Variants in TFAP2B observed in about 807,000 individuals in gnomAD.
TFAP2B encodes the protein transcription factor AP-2-beta.
Under a neutral mutation model 44.3 loss-of-function variants are expected in TFAP2B, and 9 were observed. The ratio of observed to expected loss-of-function variants is 0.20; its 90% CI spans 0.12 to 0.35. The LOEUF (loss-of-function observed/expected upper bound fraction) is 0.35. TFAP2B is among the 10% of genes least tolerant of loss of function. The pLI, the probability that TFAP2B is intolerant of heterozygous loss-of-function variation, is 1.00. For missense variants in TFAP2B, 509 were observed against 600.0 expected (o/e 0.85, Z 1.59); for synonymous variants, 270 against 263.8 (o/e 1.02, Z -0.23).
Position 50,843,550 on chromosome 6 carries a change from TAAAAAA to T in TFAP2B, c.*162_*167del. On this transcript the variant is annotated 3_prime_UTR_variant, in exon 7 of 7. Transcript: ENST00000393655. ...TTTTAAAAAAAAAAGCTAAATAACTTAAAAAAAAACTGAGGCGTACAACGGAGCAAC... is the reference window on the plus strand; with the variant it reads ...TTTTAAAAAAAAAAGCTAAATAACTTAAACTGAGGCGTACAACGGAGCAAC... The T allele has an allele frequency of 1.2e-6, 1 of 819,514 alleles. No individual in the cohort carries two copies. Among genetic ancestry groups the T allele is most frequent in the Non-Finnish European group, 1.8e-6 (1 of 544,494 alleles). The allele number at this position is 819,514 out of a possible 1,614,324, so 50.8% of individuals were successfully genotyped here.
chr6:50,825,902 A>G (rs1208886686), intron 2 of TFAP2B, among the ~76,000 whole-genome samples: 1 of 152,170 alleles, frequency 6.6e-6, no homozygotes, highest in Non-Finnish European at 1.5e-5. Context: ...CTGTCCCTAG[A>G]GGGAAACAGC....
intron 4 of TFAP2B, among the ~76,000 whole-genome samples, chr6:50,836,760 C>A (rs1762632245): frequency 6.6e-6 from 1 of 152,162 alleles, no homozygotes; most frequent in South Asian, 2.1e-4. Flanking sequence ...CAGTTGGCAC[C>A]CAGTGAAATT....
Position 50,828,691 on chromosome 6 carries a change from T to TC in TFAP2B, c.601+18dup. 1.2e-6 allele frequency: 2 copies of TC among 1,613,832 alleles called. No homozygotes were observed. The stretch of plus-strand genomic sequence containing the variant: ...TGTCATTAAAAAAGGTATGGATAAT[T>TC]CCCCCCAAAAAGTAAGCAAAGTTCT... On this transcript the variant is annotated intron_variant, in intron 3 of 6. Transcript: ENST00000393655.
chr6:50,822,226 C>A, intron 1 of TFAP2B: 1 of 1,225,820 alleles, frequency 8.2e-7, no homozygotes, highest in Non-Finnish European at 1.1e-6. Context: ...TCTGTCTCTG[C>A]GTCTCTGTGT....
At chr6:50,823,372 T>C (rs1275183815) in intron 1 of TFAP2B, 35 bp from the exon 2 acceptor site, 2 of 1,527,828 alleles carry the variant, frequency 1.3e-6, no homozygotes, top group South Asian at 2.4e-5. Flanking sequence ...TGTCTCCTTC[T>C]CTGGCTCTCT....
chr6:50,838,341 C>T (rs1005421560), intron 5 of TFAP2B, among the ~76,000 whole-genome samples: 8 of 152,100 alleles, frequency 5.3e-5, no homozygotes, highest in African/African-American at 1.9e-4. Flanking sequence ...GTCCAGCCTC[C>T]AAGACAAAGC....
intron 4 of TFAP2B, 40 bp downstream of exon 4, chr6:50,836,320 C>G: frequency 1.9e-6 from 3 of 1,543,186 alleles, no homozygotes; most frequent in Non-Finnish European, 2.7e-6. Context: ...AACAAAAAAA[C>G]AAACAAAAAC....
chr6:50,824,216 C>T (rs543878190), intron 2 of TFAP2B, among the ~76,000 whole-genome samples: 31 of 152,340 alleles, frequency 2.0e-4, no homozygotes, highest in Admixed American at 9.2e-4. Flanking sequence ...TTGTGGAAGC[C>T]AGCTTGGTAC....
rs558152869 is a variant in TFAP2B, at chr6:50,831,507, C to T, written c.601+2828C>T. On this transcript the variant is annotated intron_variant, in intron 3 of 6. Coordinates refer to ENST00000393655, the MANE Select transcript of TFAP2B (RefSeq NM_003221.4). ...CTTTTTAAACTCTCCTAATCTAAAC[C>T]GGCAGAGGGTGGTTAATACGATTTG... is the stretch of plus-strand genomic sequence containing the variant. Among the ~76,000 whole-genome samples the T allele has an allele frequency of 9.9e-5, 15 of 152,078 alleles. No individual in the cohort carries two copies. The South Asian group carries it at 1.0e-3, about 11-fold the overall frequency.
Position 50,847,341 on chromosome 6 carries a change from A to G in TFAP2B, c.*3949A>G, listed in dbSNP as rs2113968304. On this transcript the variant is annotated 3_prime_UTR_variant, in exon 7 of 7. Coordinates refer to ENST00000393655, the MANE Select transcript of TFAP2B (RefSeq NM_003221.4). ...CAATCTATTGACTCTTCACGAGAAG[A>G]GCTCTGGAGGGTATTCATGTTAAGT... is the stretch of plus-strand genomic sequence containing the variant. 1 of 152,730 alleles carries G rather than the reference A, an allele frequency of 6.5e-6. No homozygotes were observed. The highest frequency in any genetic ancestry group is 1.9e-4 in the East Asian group (1 of 5,190). 9.5% of individuals were successfully genotyped at this position (152,730 alleles called of 1,614,324 possible). A position where few individuals can be genotyped will look rare whatever the true frequency, so the allele number is the denominator to read the frequency against.
chr6:50,823,768 A>C lies in TFAP2B; in HGVS notation c.443A>C (p.Asp148Ala). 2 of 1,599,528 alleles carry C rather than the reference A, an allele frequency of 1.3e-6. No homozygotes were observed. The highest frequency in any genetic ancestry group is 1.7e-6 in the Non-Finnish European group (2 of 1,172,938). The change falls in exon 2 of 7, where the codon GAC (aspartate) becomes GCC (alanine). Residue 148 changes from aspartate (D) to alanine (A), a missense_variant. Physicochemically the swap from Asp to Ala is moderately radical, Grantham distance 126 (BLOSUM62 -2). Around this residue, in one of 3 missense-constraint regions of TFAP2B, gnomAD observed 296 missense variants for 308.2 expected, o/e 0.96. Transcript: ENST00000393655. Reference protein sequence around the residue: ...RRDYHSVRRPDVLLHSAHHGL... With the variant: ...RRDYHSVRRPAVLLHSAHHGL... ...GACTACCACTCGGTCCGCCGGCCGG[A>C]CGTGCTGCTGCATTCGGCGCACCAC...
intron 1 of TFAP2B, among the ~76,000 whole-genome samples, chr6:50,819,814 C>T (rs2113922192): frequency 6.6e-6 from 1 of 152,216 alleles, no homozygotes; most frequent in East Asian, 1.9e-4. Context: ...GCGGGCGAGG[C>T]GGACTAGGCG....
intron 6 of TFAP2B, among the ~76,000 whole-genome samples, chr6:50,841,077 A>G (rs1002098398): frequency 2.0e-5 from 3 of 152,194 alleles, no homozygotes; most frequent in African/African-American, 7.2e-5. Context: ...CATTTGCTCA[A>G]ATTTGTCCAG....
chr6:50,819,756 T>G (rs995696274), intron 1 of TFAP2B, among the ~76,000 whole-genome samples: 10 of 152,176 alleles, frequency 6.6e-5, no homozygotes, highest in Non-Finnish European at 7.4e-5. Flanking sequence ...GCCAAAGCCC[T>G]TTTCCGGCTC....
At chr6:50,827,264 C>T (rs1445247290) in intron 2 of TFAP2B, among the ~76,000 whole-genome samples, 1 of 152,180 alleles carries the variant, frequency 6.6e-6, no homozygotes, top group African/African-American at 2.4e-5. Flanking sequence ...TTGTGTGTGG[C>T]AGGGTCCCCT....
At chr6:50,832,119 G>A (rs1350742117) in intron 3 of TFAP2B, among the ~76,000 whole-genome samples, 1 of 152,184 alleles carries the variant, frequency 6.6e-6, no homozygotes, top group East Asian at 1.9e-4. Context: ...TCTCTGAACG[G>A]TATGAGTTTC....
At chr6:50,822,300 T>G in intron 1 of TFAP2B, 1 of 649,610 alleles carries the variant, frequency 1.5e-6, no homozygotes, top group African/African-American at 1.9e-5. Flanking sequence ...GCTTGGTAAT[T>G]TAGCACCATA....
intron 3 of TFAP2B, among the ~76,000 whole-genome samples, chr6:50,829,057 CTTATGT>C (rs1198597611): frequency 1.3e-5 from 2 of 152,272 alleles, no homozygotes; most frequent in South Asian, 2.1e-4. Flanking sequence ...TGAGTTAAAG[CTTATGT>C]TATTGAGATA....
intron 3 of TFAP2B, among the ~76,000 whole-genome samples, chr6:50,833,487 A>G (rs956473933): frequency 3.3e-5 from 5 of 152,134 alleles, no homozygotes; most frequent in Admixed American, 6.6e-5. Context: ...TCCAAAGCAC[A>G]TCTTCTGACA....
Sources: allele counts gnomAD v4.1 joint callset (sites outside exome capture counted in the v4.1 genomes callset), GRCh38; gene constraint gnomAD v4.1.1; regional missense constraint gnomAD v4.1.1; transcripts MANE v1.5; gene names NCBI Gene and HGNC (gene_info 2026-07-23, HGNC 2026-07-21).